Variants in SNX8 observed in about 807,000 individuals in gnomAD.
The protein encoded by SNX8 is sorting nexin-8.
SNX8 carries 25 observed loss-of-function variants against 51.6 expected under a neutral mutation model. That is an observed-to-expected ratio of 0.48 (90% CI 0.35 to 0.68). The LOEUF (loss-of-function observed/expected upper bound fraction) is 0.68. SNX8 is among the 30% of genes least tolerant of loss of function. The pLI is 0.00. For synonymous variants in SNX8, 324 were observed against 277.0 expected, an observed-to-expected ratio of 1.17 and a Z score of -1.68; for missense variants, 695 against 624.0, an observed-to-expected ratio of 1.11 and a Z score of -1.21.
intron 1 of SNX8, among the ~76,000 whole-genome samples, chr7:2,284,049 C>G (rs566374398): frequency 6.6e-6 from 1 of 152,336 alleles, no homozygotes; most frequent in African/African-American, 2.4e-5. Context: ...CCCGCCTCTG[C>G]TTCCCAAATT....
rs1231507621 is a variant in SNX8 at position 2,314,407 on chromosome 7, C to A, written c.15G>T (p.Ala5=). MTGR[A]MDPLPAAAVG... is the part of the protein sequence containing the mutation. The stretch of plus-strand genomic sequence containing the variant: ...CTGCAGCCGCGGGCAGCGGGTCCAT[C>A]GCGCGGCCAGTCATGTGAGCCCGCG... Residue 5 remains alanine, a synonymous_variant, in exon 1 of 11, where the codon GCG becomes GCT. Coordinates refer to ENST00000222990, the MANE Select transcript of SNX8 (RefSeq NM_013321.4). The A allele has an allele frequency of 3.3e-6, 4 of 1,218,192 alleles. No homozygotes were observed. The highest frequency in any genetic ancestry group is 4.1e-5 in the South Asian group (1 of 24,312). The allele number at this position is 1,218,192 out of a possible 1,614,324, so 75.5% of individuals were successfully genotyped here. A position where few individuals can be genotyped will look rare whatever the true frequency, so the allele number is the denominator to read the frequency against.
intron 1 of SNX8, among the ~76,000 whole-genome samples, chr7:2,313,142 G>A (rs959966782): frequency 3.3e-5 from 5 of 151,722 alleles, no homozygotes; most frequent in Non-Finnish European, 7.4e-5. Context: ...CTCGTGATCC[G>A]CCCGCCTCGG....
intron 10 of SNX8, among the ~76,000 whole-genome samples, chr7:2,256,029 G>A (rs1795169506): frequency 6.6e-6 from 1 of 152,184 alleles, no homozygotes; most frequent in East Asian, 1.9e-4. Context: ...TAGGACTGGG[G>A]TTATGGCATC....
chr7:2,272,077 C>T (rs375998965), intron 3 of SNX8, 106 bp from the exon 4 acceptor site: 108 of 1,487,432 alleles, frequency 7.3e-5, no homozygotes, highest in Non-Finnish European at 9.1e-5. Context: ...GAGGGCCCAG[C>T]GGCTAGCAGA....
chr7:2,304,706 G>A (rs904904619), intron 1 of SNX8, among the ~76,000 whole-genome samples: 10 of 152,064 alleles, frequency 6.6e-5, no homozygotes, highest in African/African-American at 2.4e-4. Flanking sequence ...TTCCTATCTA[G>A]CCAAGGAAGG....
intron 1 of SNX8, among the ~76,000 whole-genome samples, chr7:2,301,336 G>C (rs1312734994): frequency 6.6e-6 from 1 of 152,172 alleles, no homozygotes; most frequent in Non-Finnish European, 1.5e-5. Context: ...TGTGCTCATG[G>C]GCATATGAAT....
At chr7:2,300,595 G>A (rs1204537770) in intron 1 of SNX8, among the ~76,000 whole-genome samples, 1 of 151,220 alleles carries the variant, frequency 6.6e-6, no homozygotes. Flanking sequence ...TCATTTTTTT[G>A]TAGAGAAAAG....
chr7:2,341,204 AG>A (rs1778917647), intron 1 of SNX8, among the ~76,000 whole-genome samples: 1 of 151,706 alleles, frequency 6.6e-6, no homozygotes, highest in African/African-American at 2.4e-5. Flanking sequence ...GAAAAAGAAA[AG>A]AAAAGAAAAA....
chr7:2,344,105 G>A (rs1778980266), intron 1 of SNX8, among the ~76,000 whole-genome samples: 1 of 151,824 alleles, frequency 6.6e-6, no homozygotes, highest in African/African-American at 2.4e-5. Context: ...TTGGGTGGCT[G>A]AGGCAGAAGG....
chr7:2,317,251 CTTTTTTTTTTTTTTTTTTTTTTTTTT>C (rs780593342), upstream of SNX8, among the ~76,000 whole-genome samples: 110 of 43,106 alleles, frequency 2.6e-3, no homozygotes, highest in East Asian at 0.029. Context: ...CCTGGACCTT[CTTTTTTTTTTTTTTTTTTTTTTTTTT>C]TTTTTTTTTT....
rs556863764 is a variant in SNX8, at chr7:2,312,330, A to G, written c.94+1998T>C. Among the ~76,000 whole-genome samples, 3 of 152,254 alleles carry G rather than the reference A, an allele frequency of 2.0e-5. No individual in the cohort carries two copies. The South Asian group carries it at 6.2e-4, about 32-fold the overall frequency. On this transcript the variant is annotated intron_variant, in intron 1 of 10. Transcript: ENST00000222990. The stretch of plus-strand genomic sequence containing the variant: ...GAAACACAGTCCCCTACACCTGCAG[A>G]GGACCCCTCCAGCAATGCCAAATTG...
chr7:2,318,603 G>C (rs1423277093), upstream of SNX8, among the ~76,000 whole-genome samples: 1 of 151,968 alleles, frequency 6.6e-6, no homozygotes, highest in Non-Finnish European at 1.5e-5. Context: ...GGCTGAGGCA[G>C]GAGATTGCTT....
upstream of SNX8, among the ~76,000 whole-genome samples, chr7:2,314,620 G>T (rs567881798): frequency 3.0e-3 from 456 of 152,094 alleles, 4 homozygotes; most frequent in African/African-American, 0.01. Flanking sequence ...ACGCCCACAT[G>T]CCCCTCCCCG....
At chr7:2,354,451 TA>T (rs1357316825), upstream of SNX8, 1 of 152,150 alleles carries the variant, frequency 6.6e-6, no homozygotes, top group Non-Finnish European at 1.5e-5. Context: ...TCTTCCAGGG[TA>T]TTAACTGTTG....
chr7:2,309,903 A>G (rs1322930076), intron 1 of SNX8: 4 of 470,398 alleles, frequency 8.5e-6, no homozygotes, highest in South Asian at 6.2e-5. Context: ...GGGGTGAAGG[A>G]GCCCCGAGGG....
intron 3 of SNX8, among the ~76,000 whole-genome samples, chr7:2,273,145 A>G (rs1795687800): frequency 6.6e-6 from 1 of 151,974 alleles, no homozygotes; most frequent in East Asian, 2.0e-4. Context: ...TTTAAATACT[A>G]TTTTTAATGT....
chr7:2,285,313 C>A (rs1193662501), intron 1 of SNX8, among the ~76,000 whole-genome samples: 1 of 152,060 alleles, frequency 6.6e-6, no homozygotes. Context: ...TGCTTGAACC[C>A]GGGAGGCAGA....
chr7:2,283,700 C>T (rs1795959755), intron 1 of SNX8, among the ~76,000 whole-genome samples: 2 of 152,180 alleles, frequency 1.3e-5, no homozygotes, highest in South Asian at 2.1e-4. Context: ...AAAGTGGGTG[C>T]GTATCAGAAT....
At chr7:2,283,175 A>ACG (rs1356823636) in intron 1 of SNX8, among the ~76,000 whole-genome samples, 1 of 151,964 alleles carries the variant, frequency 6.6e-6, no homozygotes, top group Non-Finnish European at 1.5e-5. Flanking sequence ...CCATGCAAAG[A>ACG]CGCTCCCCCT....
Sources: allele counts gnomAD v4.1 joint callset (sites outside exome capture counted in the v4.1 genomes callset), GRCh38; gene constraint gnomAD v4.1.1; transcripts MANE v1.5; gene names NCBI Gene and HGNC (gene_info 2026-07-23, HGNC 2026-07-21).